The following RGL1 variants were observed in gnomAD, a reference collection of about 807,000 sequenced individuals.
RGL1 encodes ral guanine nucleotide dissociation stimulator-like 1.
RGL1 carries 24 observed loss-of-function variants against 95.2 expected under a neutral mutation model. The ratio of observed to expected loss-of-function variants is 0.25; its 90% CI spans 0.18 to 0.35. The LOEUF is 0.35. Among genes scored for constraint, RGL1 ranks in the 10% least tolerant of loss-of-function variants. The probability of loss-of-function intolerance (pLI) is 1.00; values close to 1 mark genes in which losing one functional copy is unlikely to be tolerated. For missense variants in RGL1, 715 were observed against 936.3 expected (o/e 0.76, Z 3.08); for synonymous variants, 329 against 344.9 (o/e 0.95, Z 0.51).
intron 3 of RGL1, among the ~76,000 whole-genome samples, chr1:183,864,855 G>C (rs930963941): frequency 3.3e-5 from 5 of 152,236 alleles, no homozygotes; most frequent in Admixed American, 2.0e-4. Flanking sequence ...ATGGACTGGC[G>C]TTGGGTCAAA....
intron 2 of RGL1, among the ~76,000 whole-genome samples, chr1:183,767,270 A>G (rs1445017919): frequency 1.3e-5 from 2 of 151,362 alleles, no homozygotes; most frequent in Admixed American, 6.6e-5. Context: ...ATCAATGTAT[A>G]TATAAGTAAT....
chr1:183,714,225 A>AC (rs1259802993), intron 1 of RGL1, among the ~76,000 whole-genome samples: 1 of 152,114 alleles, frequency 6.6e-6, no homozygotes, highest in African/African-American at 2.4e-5. Flanking sequence ...TGTTAACTTA[A>AC]CCCTACTACT....
At chr1:183,682,613 C>T (rs537620650) in intron 1 of RGL1, among the ~76,000 whole-genome samples, 45 of 152,118 alleles carry the variant, frequency 3.0e-4, no homozygotes, top group South Asian at 1.2e-3. Context: ...GGAATAAGTG[C>T]GATGAGGTGC....
At chr1:183,878,270 C>T (rs890614092) in intron 4 of RGL1, among the ~76,000 whole-genome samples, 2 of 151,974 alleles carry the variant, frequency 1.3e-5, no homozygotes, top group African/African-American at 2.4e-5. Flanking sequence ...GATCACAGCT[C>T]ACTGCAGCCT....
intron 1 of RGL1, among the ~76,000 whole-genome samples, chr1:183,705,290 G>A (rs747209841): frequency 6.6e-5 from 10 of 152,096 alleles, no homozygotes; most frequent in Non-Finnish European, 1.0e-4. Context: ...TCGGGTTTGC[G>A]GGGTAAGAGC....
rs1173960521 is a variant in RGL1 at position 183,926,476 on chromosome 1, A to T, written c.*184A>T. The stretch of plus-strand genomic sequence containing the variant: ...TGGGGAAACTGGAAATGAATTTGAC[A>T]TGAAAAGGATGAACGATTCACTGAT... On this transcript the variant is annotated 3_prime_UTR_variant, in exon 18 of 18. Transcript: ENST00000360851. 4.4e-6 allele frequency: 2 copies of T among 456,256 alleles called. No homozygotes were observed. The highest frequency in any genetic ancestry group is 7.8e-6 in the Non-Finnish European group (2 of 255,286). 28.3% of individuals were successfully genotyped at this position (456,256 alleles called of 1,614,324 possible).
chr1:183,675,131 A>T (rs1652729632), intron 1 of RGL1, among the ~76,000 whole-genome samples: 1 of 152,158 alleles, frequency 6.6e-6, no homozygotes, highest in Non-Finnish European at 1.5e-5. Context: ...TGATTTTCAG[A>T]TGCCTTTTTT....
chr1:183,904,675 T>C (rs1668211506), intron 12 of RGL1, among the ~76,000 whole-genome samples, 175 bp from the exon 13 acceptor site: 1 of 152,200 alleles, frequency 6.6e-6, no homozygotes, highest in Non-Finnish European at 1.5e-5. Flanking sequence ...GTTAGAATTT[T>C]TAAGAGTTAG....
chr1:183,715,239 A>G (rs974225126), intron 1 of RGL1, among the ~76,000 whole-genome samples: 1 of 152,136 alleles, frequency 6.6e-6, no homozygotes, highest in Non-Finnish European at 1.5e-5. Flanking sequence ...CCAGGTCACA[A>G]ATTCTACATT....
At chr1:183,718,703 T>C (rs992687354) in intron 1 of RGL1, among the ~76,000 whole-genome samples, 9 of 151,640 alleles carry the variant, frequency 5.9e-5, no homozygotes, top group African/African-American at 2.2e-4. Flanking sequence ...GATCACAAGG[T>C]CAGGAGTTCG....
intron 2 of RGL1, among the ~76,000 whole-genome samples, chr1:183,807,100 A>G (rs1211981040): frequency 1.3e-5 from 2 of 152,194 alleles, no homozygotes; most frequent in African/African-American, 2.4e-5. Context: ...CTGAGATTGT[A>G]AAATATTGGG....
At chr1:183,879,381 C>A (rs1477290921) in intron 4 of RGL1, among the ~76,000 whole-genome samples, 1 of 152,158 alleles carries the variant, frequency 6.6e-6, no homozygotes, top group African/African-American at 2.4e-5. Context: ...GAAAGCCCAG[C>A]CTTCACTTTC....
intron 4 of RGL1, among the ~76,000 whole-genome samples, chr1:183,879,134 A>T (rs955223628): frequency 6.6e-6 from 1 of 152,202 alleles, no homozygotes; most frequent in Non-Finnish European, 1.5e-5. Flanking sequence ...TGATGGTTTC[A>T]TGTATCTACT....
Position 183,806,364 on chromosome 1 carries a change from G to C in RGL1, c.28-11G>C. On this transcript the variant is annotated splice_polypyrimidine_tract_variant and intron_variant, in intron 1 of 17. Coordinates refer to ENST00000360851, the MANE Select transcript of RGL1 (RefSeq NM_001297671.3). The stretch of plus-strand genomic sequence containing the variant: ...TACTCTTTTTCTTTCTCTTTATCCC[G>C]TCCCTGGCAGAGCTCGATTCAGGAC... The C allele has an allele frequency of 6.2e-7, 1 of 1,603,866 alleles. No homozygotes were observed. The highest frequency in any genetic ancestry group is 8.5e-7 in the Non-Finnish European group (1 of 1,171,228).
At chr1:183,737,238 T>C (rs1342532601) in intron 1 of RGL1, among the ~76,000 whole-genome samples, 2 of 152,206 alleles carry the variant, frequency 1.3e-5, no homozygotes, top group Non-Finnish European at 2.9e-5. Flanking sequence ...TCTTAGATTG[T>C]TATTTTAATA....
intron 1 of RGL1, among the ~76,000 whole-genome samples, chr1:183,685,252 GA>G (rs957746255): frequency 6.6e-6 from 1 of 152,110 alleles, no homozygotes; most frequent in African/African-American, 2.4e-5. Flanking sequence ...GTGAAACATG[GA>G]AAGGAAACGC....
intron 2 of RGL1, among the ~76,000 whole-genome samples, chr1:183,836,414 C>A (rs2102502853): frequency 6.9e-6 from 1 of 144,888 alleles, no homozygotes; most frequent in Admixed American, 6.7e-5. Context: ...TCACACCCAG[C>A]TAATTTTTTT....
intron 2 of RGL1, among the ~76,000 whole-genome samples, chr1:183,808,142 C>T (rs1462872748): frequency 1.3e-5 from 2 of 152,184 alleles, no homozygotes; most frequent in Non-Finnish European, 2.9e-5. Context: ...TGGAGGGGTT[C>T]ACTCTGTAGG....
At position 183,927,398 on chromosome 1, in the gene RGL1, C is replaced by T. The variant is rs1023218984; in HGVS notation, c.*1106C>T. The T allele has an allele frequency of 7.2e-5, 11 of 152,406 alleles. No homozygotes were observed. The highest frequency in any genetic ancestry group is 2.6e-4 in the African/African-American group (11 of 41,544). 9.4% of individuals were successfully genotyped at this position (152,406 alleles called of 1,614,324 possible). On this transcript the variant is annotated 3_prime_UTR_variant, in exon 18 of 18. Coordinates refer to ENST00000360851, the MANE Select transcript of RGL1 (RefSeq NM_001297671.3). ...TGAACAGTGATTGTCCCGTTAATAG[C>T]CCCTCAGAAGATGTTCCCTGCTGAT...
Sources: allele counts gnomAD v4.1 joint callset (sites outside exome capture counted in the v4.1 genomes callset), GRCh38; gene constraint gnomAD v4.1.1; transcripts MANE v1.5; gene names NCBI Gene and HGNC (gene_info 2026-07-23, HGNC 2026-07-21).